Variants in ERBB3 observed in about 807,000 individuals in gnomAD.
ERBB3 encodes receptor tyrosine-protein kinase erbB-3.
A neutral mutation model predicts 156.7 loss-of-function variants in ERBB3; 96 were observed. That is an observed-to-expected ratio of 0.61 (90% CI 0.52 to 0.73). ERBB3 has a LOEUF of 0.73. Ranked by LOEUF, ERBB3 falls within the 30% of genes least tolerant of loss-of-function variation. The pLI is 0.00. For missense variants in ERBB3, 1,406 were observed against 1,709.4 expected (o/e 0.82, Z 3.13); for synonymous variants, 567 against 632.0 (o/e 0.90, Z 1.54).
chr12:56,093,260 G>A lies in ERBB3; in HGVS notation c.1275-85G>A, dbSNP rs1465955232. The A allele has an allele frequency of 2.2e-6, 3 of 1,360,562 alleles. 1 individual carries two copies. The highest frequency in any genetic ancestry group is 2.3e-5 in the South Asian group (2 of 85,132). The allele number at this position is 1,360,562 out of a possible 1,614,324, so 84.3% of individuals were successfully genotyped here. On this transcript the variant is annotated intron_variant, in intron 11 of 27. Coordinates refer to ENST00000267101, the MANE Select transcript of ERBB3 (RefSeq NM_001982.4). Reference sequence around the variant, plus strand: ...TCTCAGTGGATCTGACTAGCACTGAGCAAATTTCTTGACTAACATGAATCC... The same window carrying A: ...TCTCAGTGGATCTGACTAGCACTGAACAAATTTCTTGACTAACATGAATCC...
At chr12:56,092,435 A>G (rs1244175277) in intron 9 of ERBB3, among the ~76,000 whole-genome samples, 2 of 127,306 alleles carry the variant, frequency 1.6e-5, no homozygotes, top group Admixed American at 1.7e-4. Flanking sequence ...TTCCTTTCCT[A>G]TTTACTCTTA....
intron 23 of ERBB3, 54 bp from the exon 24 acceptor site, chr12:56,099,594 C>T (rs879274702): frequency 5.5e-5 from 82 of 1,504,064 alleles, no homozygotes; most frequent in Non-Finnish European, 7.1e-5. Context: ...CCACCGCGCC[C>T]GGCCATGGAA....
Position 56,093,783 on chromosome 12 carries a change from T to A in ERBB3, c.1500T>A (p.Cys500Ter). Residue 500 changes from cysteine (C) to a stop codon, truncating the protein, a stop_gained, in exon 13 of 28, where the codon TGT becomes TGA. Transcript: ENST00000267101. LOFTEE classifies it high-confidence loss of function. ...RRDCVAEGKVCDPLCSSGGCW... is the reference protein window; with the variant it reads ...RRDCVAEGKV ...TTCCAGTGGCAGAGGGCAAAGTGTG[T>A]GACCCACTGTGCTCCTCTGGGGGAT... The A allele has an allele frequency of 1.2e-6, 2 of 1,614,090 alleles. No individual in the cohort carries two copies. The highest frequency in any genetic ancestry group is 8.5e-7 in the Non-Finnish European group (1 of 1,180,010).
chr12:56,102,370 T>G lies in ERBB3; in HGVS notation c.*315T>G. The G allele has an allele frequency of 2.7e-6, 1 of 372,576 alleles. No individual in the cohort carries two copies. Among genetic ancestry groups the G allele is most frequent in the African/African-American group, 2.0e-5 (1 of 48,916 alleles). 23.1% of individuals were successfully genotyped at this position (372,576 alleles called of 1,614,324 possible). The stretch of plus-strand genomic sequence containing the variant: ...AAGGATTACTCTCCATATCCCTTCC[T>G]CTCAGGCTCTTGACTACTTGGAACT... On this transcript the variant is annotated 3_prime_UTR_variant, in exon 28 of 28. Transcript: ENST00000267101.
intron 15 of ERBB3, 95 bp from the exon 16 acceptor site, chr12:56,095,162 C>T (rs1868850313): frequency 5.1e-6 from 5 of 971,242 alleles, no homozygotes; most frequent in Non-Finnish European, 8.4e-6. Flanking sequence ...TGGGATGCCA[C>T]GGTAAGTTCT....
chr12:56,096,969 G>A lies in ERBB3; in HGVS notation c.2275-76G>A. On this transcript the variant is annotated intron_variant, in intron 19 of 27. Transcript: ENST00000267101. ...TAGCCAGAATGTTGGGGGTGGGGGG[G>A]CCTGGGCTGGCTGTGCACATGCTGA... The A allele has an allele frequency of 2.5e-6, 3 of 1,206,200 alleles. No individual in the cohort carries two copies. The South Asian group carries it at 3.6e-5, about 15-fold the overall frequency. 74.7% of individuals were successfully genotyped at this position (1,206,200 alleles called of 1,614,324 possible).
chr12:56,086,234 CAT>C (rs1592225946), intron 3 of ERBB3, among the ~76,000 whole-genome samples: 1 of 152,076 alleles, frequency 6.6e-6, no homozygotes, highest in Non-Finnish European at 1.5e-5. Flanking sequence ...AGTTGGAAAA[CAT>C]ATGGGCAGGG....
At chr12:56,099,581 G>A (rs1266266327) in intron 23 of ERBB3, 67 bp from the exon 24 acceptor site, 23 of 1,377,260 alleles carry the variant, frequency 1.7e-5, no homozygotes, top group Non-Finnish European at 2.3e-5. Flanking sequence ...TTATAGGTGT[G>A]AGCCACCGCG....
Position 56,098,780 on chromosome 12 carries a change from T to C in ERBB3, c.2714T>C (p.Met905Thr), listed in dbSNP as rs751422999. The C allele has an allele frequency of 9.9e-6, 16 of 1,614,044 alleles. No homozygotes were observed. Among genetic ancestry groups the C allele is most frequent in the Non-Finnish European group, 1.4e-5 (16 of 1,180,022 alleles). ...WSYGVTVWELMTFGAEPYAGL... is the reference protein window; with the variant it reads ...WSYGVTVWELTTFGAEPYAGL... ...ACAGGTGTGACAGTTTGGGAGTTGA[T>C]GACCTTCGGGGCAGAGCCCTATGCA... The change falls in exon 23 of 28, where the codon ATG becomes ACG. Residue 905 changes from methionine (M) to threonine (T), a missense_variant. Coordinates refer to ENST00000267101, the MANE Select transcript of ERBB3 (RefSeq NM_001982.4).
chr12:56,094,381 G>A, intron 14 of ERBB3, 21 bp from the exon 15 acceptor site: 1 of 1,614,016 alleles, frequency 6.2e-7, no homozygotes, highest in Non-Finnish European at 8.5e-7. Context: ...GATTCTTCCT[G>A]ACCTTCTCTC....
At position 56,098,920 on chromosome 12, in the gene ERBB3, G is replaced by C. The variant is rs376339937; in HGVS notation, c.2839+15G>C. The stretch of plus-strand genomic sequence containing the variant: ...GATGGTCAAGTGTGAGTTACCTGCT[G>C]AGCCCAACCATTTTCTCTTTTTTTC... On this transcript the variant is annotated intron_variant, in intron 23 of 27. Transcript: ENST00000267101. 34 of 1,608,036 alleles carry C rather than the reference G, an allele frequency of 2.1e-5. No homozygotes were observed. Among genetic ancestry groups the C allele is most frequent in the Non-Finnish European group, 2.7e-5 (32 of 1,175,518 alleles).
At chr12:56,083,960 T>C in intron 2 of ERBB3, 58 bp downstream of exon 2, 1 of 1,543,218 alleles carries the variant, frequency 6.5e-7, no homozygotes, top group South Asian at 1.1e-5. Context: ...CCTAGAACCC[T>C]CCTTCCTTCT....
At chr12:56,087,978 G>A (rs748286265) in intron 6 of ERBB3, 43 bp from the exon 7 acceptor site, 20 of 1,613,816 alleles carry the variant, frequency 1.2e-5, no homozygotes, top group African/African-American at 4.0e-5. Flanking sequence ...GGAGGTAGGG[G>A]TACACACGTA....
rs1394083213 is a variant in ERBB3 at position 56,097,119 on chromosome 12, G to A, written c.2349G>A (p.Leu783=). Reference sequence around the variant, plus strand: ...TGGGACTATGCCCAGGGTCATCTCTGCAGCTTGTCACTCAATATTTGCCTC... The same window carrying A: ...TGGGACTATGCCCAGGGTCATCTCTACAGCTTGTCACTCAATATTTGCCTC... ...RLLGLCPGSS[L]QLVTQYLPLG... is the part of the protein sequence containing the mutation. Residue 783 remains leucine (L), a synonymous_variant, in exon 20 of 28, where the codon CTG becomes CTA. Coordinates refer to ENST00000267101, the MANE Select transcript of ERBB3 (RefSeq NM_001982.4). 7 of 1,614,144 alleles carry A rather than the reference G, an allele frequency of 4.3e-6. No homozygotes were observed. The highest frequency in any genetic ancestry group is 5.9e-6 in the Non-Finnish European group (7 of 1,180,020).
chr12:56,095,472 C>T (rs1868859842), intron 16 of ERBB3, 162 bp downstream of exon 16: 2 of 891,868 alleles, frequency 2.2e-6, no homozygotes, highest in Admixed American at 4.3e-5. Flanking sequence ...TTCTGGACTT[C>T]CCTTCCTAAA....
intron 7 of ERBB3, 127 bp downstream of exon 7, chr12:56,088,289 T>A: frequency 9.3e-7 from 1 of 1,073,128 alleles, no homozygotes; most frequent in Non-Finnish European, 1.4e-6. Flanking sequence ...TATGATCATC[T>A]AACCACTCCA....
At position 56,083,891 on chromosome 12, in the gene ERBB3, T is replaced by G. The variant is rs1432507933; in HGVS notation, c.223T>G (p.Ser75Ala). The change falls in exon 2 of 28, where the codon TCC becomes GCC. Residue 75 changes from serine to alanine, a missense_variant. Ser to Ala is a moderately conservative substitution (Grantham distance 99, BLOSUM62 1). Coordinates refer to ENST00000267101, the MANE Select transcript of ERBB3 (RefSeq NM_001982.4). ...GCTCACGGGACACAATGCCGACCTC[T>G]CCTTCCTGCAGGTTAGTGAGCCCAC... ...IVLTGHNADL[S>A]FLQWIREVTG... 6.2e-7 allele frequency: 1 copy of G among 1,614,072 alleles called. No individual in the cohort carries two copies.
chr12:56,081,139 C>T lies in ERBB3; in HGVS notation c.82+757C>T, dbSNP rs1328495069. Among the ~76,000 whole-genome samples the T allele has an allele frequency of 9.8e-5, 15 of 152,344 alleles. No individual in the cohort carries two copies. The East Asian group carries it at 2.3e-3, about 23-fold the overall frequency. On this transcript the variant is annotated intron_variant, in intron 1 of 27. Transcript: ENST00000267101. The stretch of plus-strand genomic sequence containing the variant: ...ATGTCCAGCCTCTGGTCTTTTCTCT[C>T]CCCAACCTGAGGATCAAGAGGGCAC...
Position 56,092,756 on chromosome 12 carries a change from G to A in ERBB3, c.1119G>A (p.Trp373Ter). The A allele has an allele frequency of 6.2e-7, 1 of 1,613,794 alleles. No homozygotes were observed. Among genetic ancestry groups the A allele is most frequent in the Non-Finnish European group, 8.5e-7 (1 of 1,179,752 alleles). ...FLITGLNGDP[W>*]HKIPALDPEK... ...CTACTGTTCTATTCAGAGACCCCTG[G>A]CACAAGATCCCTGCCCTGGACCCAG... Residue 373 changes from tryptophan to a stop codon, truncating the protein, a stop_gained, in exon 10 of 28, where the codon TGG becomes TGA. Coordinates refer to ENST00000267101, the MANE Select transcript of ERBB3 (RefSeq NM_001982.4). LOFTEE classifies it high-confidence loss of function.
Sources: allele counts gnomAD v4.1 joint callset (sites outside exome capture counted in the v4.1 genomes callset), GRCh38; gene constraint gnomAD v4.1.1; transcripts MANE v1.5; gene names NCBI Gene and HGNC (gene_info 2026-07-23, HGNC 2026-07-21).